ACOT13: variants seen among roughly 807,000 people sequenced by gnomAD.
The protein encoded by ACOT13 is acyl-coenzyme A thioesterase 13.
ACOT13 carries 10 observed loss-of-function variants against 11.8 expected under a neutral mutation model. The observed-to-expected ratio is 0.85, with a 90% CI of 0.53 to 1.44. The LOEUF is 1.44. Among genes scored for constraint, ACOT13 ranks in the 40% most tolerant of loss-of-function variants. The probability of loss-of-function intolerance (pLI) is 0.00; values close to 1 mark genes in which losing one functional copy is unlikely to be tolerated. For synonymous variants in ACOT13, 53 were observed against 61.0 expected, an observed-to-expected ratio of 0.87 and a Z score of 0.61; for missense variants, 172 against 174.1, an observed-to-expected ratio of 0.99 and a Z score of 0.07.
intron 2 of ACOT13, among the ~76,000 whole-genome samples, chr6:24,699,379 TG>T (rs796621647): frequency 1.2e-4 from 18 of 152,124 alleles, no homozygotes; most frequent in African/African-American, 4.1e-4. Flanking sequence ...CCGACTAATT[TG>T]TTTGTATTTT....
intron 1 of ACOT13, among the ~76,000 whole-genome samples, chr6:24,688,546 A>C (rs1306458587): frequency 2.0e-5 from 3 of 151,744 alleles, no homozygotes; most frequent in African/African-American, 7.3e-5. Context: ...TCTCAAAAAA[A>C]AAAAAAAAAA....
At chr6:24,698,870 T>C (rs1287796836) in intron 2 of ACOT13, among the ~76,000 whole-genome samples, 1 of 152,104 alleles carries the variant, frequency 6.6e-6, no homozygotes, top group East Asian at 1.9e-4. Flanking sequence ...ACTCCTGACC[T>C]CCAGTGTCCA....
chr6:24,702,661 G>GCC lies in ACOT13; in HGVS notation c.*1046_*1047insCC, dbSNP rs1276918560. On this transcript the variant is annotated 3_prime_UTR_variant, in exon 3 of 3. Coordinates refer to ENST00000230048, the MANE Select transcript of ACOT13 (RefSeq NM_018473.4). ...AAGATTATGAAACTTCAAAATATAT[G>GCC]AACTACAGCCCATATTGAAAAATAA... 1 of 151,780 alleles carries GCC rather than the reference G, an allele frequency of 6.6e-6. No individual in the cohort carries two copies. Among genetic ancestry groups the GCC allele is most frequent in the Non-Finnish European group, 1.5e-5 (1 of 67,980 alleles). The allele number at this position is 151,780 out of a possible 1,614,324, so 9.4% of individuals were successfully genotyped here. A position where few individuals can be genotyped will look rare whatever the true frequency, so the allele number is the denominator to read the frequency against.
intron 2 of ACOT13, among the ~76,000 whole-genome samples, chr6:24,700,473 T>C (rs1272943115): frequency 6.8e-6 from 1 of 147,546 alleles, no homozygotes; most frequent in East Asian, 2.0e-4. Context: ...TCTTGCTCTG[T>C]TGCCCAGGCT....
chr6:24,682,161 G>A (rs921109483), intron 1 of ACOT13, among the ~76,000 whole-genome samples: 2 of 152,322 alleles, frequency 1.3e-5, no homozygotes, highest in African/African-American at 2.4e-5. Flanking sequence ...CGGCGGCCAC[G>A]CTAATCGTTT....
At chr6:24,676,737 C>T (rs1778460597) in intron 1 of ACOT13, among the ~76,000 whole-genome samples, 1 of 152,132 alleles carries the variant, frequency 6.6e-6, no homozygotes. Flanking sequence ...TGCCTTGCCG[C>T]TCTTTTGGCT....
chr6:24,691,860 T>G (rs1241061521), intron 1 of ACOT13, among the ~76,000 whole-genome samples: 1 of 152,226 alleles, frequency 6.6e-6, no homozygotes, highest in African/African-American at 2.4e-5. Flanking sequence ...ATTGAGATAC[T>G]TTCAACTTAA....
chr6:24,698,193 C>T, intron 2 of ACOT13, 126 bp downstream of exon 2: 3 of 863,482 alleles, frequency 3.5e-6, no homozygotes, highest in Non-Finnish European at 4.9e-6. Flanking sequence ...TTAACTGCAC[C>T]TATAGATTTT....
chr6:24,677,925 G>A (rs1027244832), intron 1 of ACOT13, among the ~76,000 whole-genome samples: 2 of 152,326 alleles, frequency 1.3e-5, no homozygotes, highest in African/African-American at 4.8e-5. Flanking sequence ...TTAACCTGCT[G>A]TGAGCAGAGC....
At chr6:24,687,777 C>A (rs1028268893) in intron 1 of ACOT13, 15 of 1,301,758 alleles carry the variant, frequency 1.2e-5, no homozygotes, top group Non-Finnish European at 1.1e-5. Flanking sequence ...ATGGTACGAT[C>A]TTGGCTCAAC....
intron 1 of ACOT13, among the ~76,000 whole-genome samples, chr6:24,669,601 GA>G (rs1240192297): frequency 6.6e-6 from 1 of 152,012 alleles, no homozygotes; most frequent in African/African-American, 2.4e-5. Context: ...GAAGAAAAAT[GA>G]GTCTTTGGTC....
chr6:24,668,232 G>C (rs1023275427), intron 1 of ACOT13, among the ~76,000 whole-genome samples: 3 of 149,690 alleles, frequency 2.0e-5, no homozygotes, highest in African/African-American at 7.4e-5. Context: ...TGTTGTTGTT[G>C]TTTTGAGATG....
intron 1 of ACOT13, among the ~76,000 whole-genome samples, chr6:24,669,071 G>A (rs1052128039): frequency 1.3e-5 from 2 of 152,202 alleles, no homozygotes; most frequent in African/African-American, 4.8e-5. Context: ...TCCATAAGAA[G>A]CATTTATAAC....
rs1279615260 is a variant in ACOT13 at position 24,703,553 on chromosome 6, CAT to C, written c.*1940_*1941del. On this transcript the variant is annotated 3_prime_UTR_variant, in exon 3 of 3. Coordinates refer to ENST00000230048, the MANE Select transcript of ACOT13 (RefSeq NM_018473.4). ...GATTTGGAGGGAAAAAATATGAGGC[CAT>C]AGTGTTTAGGTAGATAATAAATGGC... 1 of 152,154 alleles carries C rather than the reference CAT, an allele frequency of 6.6e-6. No homozygotes were observed. Among genetic ancestry groups the C allele is most frequent in the Non-Finnish European group, 1.5e-5 (1 of 68,036 alleles). 9.4% of individuals were successfully genotyped at this position (152,154 alleles called of 1,614,324 possible).
chr6:24,674,069 G>C (rs1176609231), intron 1 of ACOT13, among the ~76,000 whole-genome samples: 1 of 151,624 alleles, frequency 6.6e-6, no homozygotes, highest in Admixed American at 6.6e-5. Flanking sequence ...TTGTTTGTTT[G>C]TTTTTTATCT....
chr6:24,699,811 C>T (rs188575787), intron 2 of ACOT13, among the ~76,000 whole-genome samples: 9 of 152,268 alleles, frequency 5.9e-5, no homozygotes, highest in Non-Finnish European at 4.4e-5. Context: ...TCATGATCTA[C>T]TAAGGTACTT....
intron 1 of ACOT13, among the ~76,000 whole-genome samples, chr6:24,670,631 C>A (rs1282766989): frequency 6.6e-6 from 1 of 152,154 alleles, no homozygotes; most frequent in East Asian, 1.9e-4. Flanking sequence ...TGTATTGGCA[C>A]AAGTTAAGAA....
intron 1 of ACOT13, among the ~76,000 whole-genome samples, chr6:24,685,241 G>A (rs922941295): frequency 6.6e-6 from 1 of 150,494 alleles, no homozygotes; most frequent in Non-Finnish European, 1.5e-5. Flanking sequence ...TTTATGTTTT[G>A]TATAGGCAGA....
In ACOT13 at chr6:24,704,758, T is replaced by C. The variant is rs1179135461; in HGVS notation, c.*3143T>C. On this transcript the variant is annotated 3_prime_UTR_variant, in exon 3 of 3. Coordinates refer to ENST00000230048, the MANE Select transcript of ACOT13 (RefSeq NM_018473.4). ...TGAAGTTACACACTCAATTGCCAGG[T>C]ATTTTTCTTCTGAATTTACTATTTA... The C allele has an allele frequency of 6.6e-6, 1 of 152,196 alleles. No homozygotes were observed. The highest frequency in any genetic ancestry group is 1.5e-5 in the Non-Finnish European group (1 of 68,030). 9.4% of individuals were successfully genotyped at this position (152,196 alleles called of 1,614,324 possible).
Sources: allele counts gnomAD v4.1 joint callset (sites outside exome capture counted in the v4.1 genomes callset), GRCh38; gene constraint gnomAD v4.1.1; transcripts MANE v1.5; gene names NCBI Gene and HGNC (gene_info 2026-07-23, HGNC 2026-07-21).